NUP93: variants seen among roughly 807,000 people sequenced by gnomAD.
The protein encoded by NUP93 is nucleoporin 93.
Under a neutral mutation model 107.8 loss-of-function variants are expected in NUP93, and 55 were observed. The ratio of observed to expected loss-of-function variants is 0.51; its 90% CI spans 0.41 to 0.64. The LOEUF (loss-of-function observed/expected upper bound fraction) is 0.64. Among genes scored for constraint, NUP93 ranks in the 30% least tolerant of loss-of-function variants. The probability of loss-of-function intolerance (pLI) is 0.00; values close to 1 mark genes in which losing one functional copy is unlikely to be tolerated. For synonymous variants in NUP93, 390 were observed against 397.5 expected, an observed-to-expected ratio of 0.98 and a Z score of 0.22; for missense variants, 937 against 1,044.7, an observed-to-expected ratio of 0.90 and a Z score of 1.42.
chr16:56,780,923 T>TA (rs1257962382), intron 3 of NUP93, among the ~76,000 whole-genome samples: 65 of 152,320 alleles, frequency 4.3e-4, no homozygotes, highest in African/African-American at 1.3e-3. Context: ...GCCTTGGTCT[T>TA]AGCGTGGCTC....
chr16:56,841,499 G>T, intron 20 of NUP93: 1 of 563,764 alleles, frequency 1.8e-6, no homozygotes, highest in African/African-American at 1.9e-5. Context: ...GTAACCACCT[G>T]ACCTGAGCAG....
intron 3 of NUP93, among the ~76,000 whole-genome samples, chr16:56,780,351 A>G (rs1255781023): frequency 6.6e-6 from 1 of 152,220 alleles, no homozygotes; most frequent in African/African-American, 2.4e-5. Context: ...CAAATTATGC[A>G]TTTGGTGTTA....
At chr16:56,832,139 C>T in intron 11 of NUP93, 132 bp downstream of exon 11, 2 of 1,276,776 alleles carry the variant, frequency 1.6e-6, no homozygotes, top group Non-Finnish European at 2.2e-6. Context: ...GTCTCCTGTC[C>T]CCATTTTTTG....
At chr16:56,794,692 G>A (rs1190493903) in intron 3 of NUP93, among the ~76,000 whole-genome samples, 1 of 152,008 alleles carries the variant, frequency 6.6e-6, no homozygotes, top group African/African-American at 2.4e-5. Flanking sequence ...ACTTTGGGAG[G>A]CCGAGGCGGG....
rs1189100243 is a variant in NUP93, at chr16:56,845,080, A to G, written c.*471A>G. Reference sequence around the variant, plus strand: ...AGAAGATGTAAGATTTGTGTGTGAAATATCAAGCACTCCATGTCCTCCTCT... The same window carrying G: ...AGAAGATGTAAGATTTGTGTGTGAAGTATCAAGCACTCCATGTCCTCCTCT... On this transcript the variant is annotated 3_prime_UTR_variant, in exon 22 of 22. Coordinates refer to ENST00000308159, the MANE Select transcript of NUP93 (RefSeq NM_014669.5). The G allele has an allele frequency of 9.2e-6, 2 of 216,836 alleles. No individual in the cohort carries two copies. The highest frequency in any genetic ancestry group is 2.3e-5 in the African/African-American group (1 of 44,358). 13.4% of individuals were successfully genotyped at this position (216,836 alleles called of 1,614,324 possible).
intron 5 of NUP93, among the ~76,000 whole-genome samples, chr16:56,808,154 A>ATT (rs1963194750): frequency 1.1e-5 from 1 of 90,226 alleles, no homozygotes; most frequent in African/African-American, 4.3e-5. Context: ...AACTATATAT[A>ATT]ATATATAGTT....
At chr16:56,822,098 C>CAA (rs71381135) in intron 7 of NUP93, among the ~76,000 whole-genome samples, 34 of 52,014 alleles carry the variant, frequency 6.5e-4, no homozygotes, top group African/African-American at 1.7e-3. Context: ...CCATAAGGGG[C>CAA]AAAAAAAAAA....
chr16:56,834,778 G>T lies in NUP93; in HGVS notation c.1782G>T (p.Lys594Asn), dbSNP rs376887419. 6.2e-7 allele frequency: 1 copy of T among 1,608,186 alleles called. No homozygotes were observed. The highest frequency in any genetic ancestry group is 2.2e-5 in the East Asian group (1 of 44,796). Residue 594 changes from lysine to asparagine, a missense_variant and splice_region_variant, in exon 16 of 22, where the codon AAG becomes AAT. By Grantham distance (94) the Lys-to-Asn change is moderately conservative. Transcript: ENST00000308159. ...AACTAGAGAATGACGGAAGTAGAAA[G>T]GTGAGTTAAATGCATCCTTAGAGAA... is the stretch of plus-strand genomic sequence containing the variant. ...LGKLENDGSR[K>N]PGVIDKFTSD...
At chr16:56,750,044 A>G (rs1961890781) in intron 2 of NUP93, among the ~76,000 whole-genome samples, 1 of 152,260 alleles carries the variant, frequency 6.6e-6, no homozygotes, top group Admixed American at 6.5e-5. Context: ...CGAAAGGCCC[A>G]TGATGCCATC....
At chr16:56,784,464 G>T (rs1366259789) in intron 3 of NUP93, among the ~76,000 whole-genome samples, 2 of 152,144 alleles carry the variant, frequency 1.3e-5, no homozygotes, top group Non-Finnish European at 2.9e-5. Context: ...ATTAATAGTT[G>T]TGACTTCAAA....
At chr16:56,756,760 C>T (rs1251797836) in intron 2 of NUP93, among the ~76,000 whole-genome samples, 2 of 152,216 alleles carry the variant, frequency 1.3e-5, no homozygotes, top group African/African-American at 4.8e-5. Flanking sequence ...CTCCCACCAA[C>T]AGTGTAAAAG....
chr16:56,794,592 G>C (rs1596808445), intron 3 of NUP93, among the ~76,000 whole-genome samples: 1 of 131,998 alleles, frequency 7.6e-6, no homozygotes, highest in East Asian at 4.8e-4. Flanking sequence ...GATAGAGAGA[G>C]AGAGAGAGAG....
At chr16:56,825,205 C>CTTTT (rs34378384) in intron 8 of NUP93, among the ~76,000 whole-genome samples, 21 of 76,350 alleles carry the variant, frequency 2.8e-4, no homozygotes, top group African/African-American at 5.4e-4. Flanking sequence ...CCATACCCAG[C>CTTTT]TTTTTTTTTT....
intron 3 of NUP93, among the ~76,000 whole-genome samples, chr16:56,793,373 A>G (rs1313252729): frequency 6.6e-6 from 1 of 152,108 alleles, no homozygotes; most frequent in Non-Finnish European, 1.5e-5. Context: ...ATGAAGGGAT[A>G]GTAGTGATGG....
intron 3 of NUP93, chr16:56,783,946 T>C (rs1474421216): frequency 3.3e-6 from 3 of 917,478 alleles, no homozygotes; most frequent in Non-Finnish European, 2.6e-6. Flanking sequence ...AAAATAGACT[T>C]TTAAATGAAC....
chr16:56,741,711 G>A (rs372619412), intron 1 of NUP93: 16 of 152,124 alleles, frequency 1.1e-4, no homozygotes, highest in East Asian at 9.6e-4. Context: ...TACTTTCTCT[G>A]ATGTATATAA....
intron 3 of NUP93, chr16:56,783,490 A>G: frequency 1.0e-6 from 1 of 985,438 alleles, no homozygotes; most frequent in Non-Finnish European, 1.2e-6. Context: ...TGAGACAATG[A>G]GATGTGGTTT....
chr16:56,797,080 G>A (rs1177710359), intron 3 of NUP93, among the ~76,000 whole-genome samples: 3 of 152,090 alleles, frequency 2.0e-5, no homozygotes, highest in Admixed American at 6.5e-5. Context: ...CCTCATCATG[G>A]CCAACATTGT....
At chr16:56,798,644 G>T (rs1356153503) in intron 4 of NUP93, 106 bp downstream of exon 4, 8 of 880,196 alleles carry the variant, frequency 9.1e-6, no homozygotes, top group Non-Finnish European at 1.5e-5. Context: ...GATGCAGGAA[G>T]TTCGCTTGAG....
Sources: gnomAD v4.1 joint callset for allele counts (sites outside exome capture counted in the v4.1 genomes callset) on GRCh38, gnomAD v4.1.1 for gene constraint, MANE v1.5 for transcripts, NCBI Gene and HGNC (gene_info 2026-07-23, HGNC 2026-07-21) for gene names.